PRORP: variants seen among roughly 807,000 people sequenced by gnomAD.
PRORP encodes protein only RNase P catalytic subunit, also known as mitochondrial ribonuclease P catalytic subunit.
Under a neutral mutation model 59.4 loss-of-function variants are expected in PRORP, and 51 were observed. The ratio of observed to expected loss-of-function variants is 0.86; its 90% CI spans 0.69 to 1.08. The LOEUF is 1.08. PRORP is among the 50% of genes least tolerant of loss of function. The probability of loss-of-function intolerance (pLI) is 0.00; values close to 1 mark genes in which losing one functional copy is unlikely to be tolerated. For synonymous variants in PRORP, 231 were observed against 245.6 expected (o/e 0.94, Z 0.55); for missense variants, 646 against 690.3 (o/e 0.94, Z 0.72).
At chr14:35,206,536 C>T (rs1034152261) in intron 5 of PRORP, among the ~76,000 whole-genome samples, 6 of 152,184 alleles carry the variant, frequency 3.9e-5, no homozygotes, top group Non-Finnish European at 8.8e-5. Context: ...TTCCCACCAA[C>T]CAGACCCAGG....
intron 5 of PRORP, among the ~76,000 whole-genome samples, chr14:35,243,952 A>G (rs1034714596): frequency 2.0e-5 from 3 of 152,208 alleles, no homozygotes; most frequent in African/African-American, 7.2e-5. Flanking sequence ...TTTTAAATTT[A>G]TATACCTGAA....
rs753948369 is a variant in PRORP, at chr14:35,198,932, C to T, written c.1275+18155C>T. 2.6e-5 allele frequency among the ~76,000 whole-genome samples: 4 copies of T among 152,114 alleles called. No individual in the cohort carries two copies. The South Asian group carries it at 6.2e-4, about 24-fold the overall frequency. The stretch of plus-strand genomic sequence containing the variant: ...CTGTAATCCCAGCACTTTGGGAGGC[C>T]GAGGCAGGTGGATCACCTGATGTCA... On this transcript the variant is annotated intron_variant, in intron 5 of 7. Transcript: ENST00000534898.
chr14:35,186,555 C>T (rs1290048126), intron 5 of PRORP, among the ~76,000 whole-genome samples: 1 of 151,714 alleles, frequency 6.6e-6, no homozygotes, highest in Admixed American at 6.6e-5. Context: ...TCCCTGGCAA[C>T]CACTAGTCTT....
chr14:35,151,896 C>G (rs1355831562), intron 4 of PRORP, among the ~76,000 whole-genome samples: 1 of 148,210 alleles, frequency 6.7e-6, no homozygotes, highest in Non-Finnish European at 1.5e-5. Context: ...TATCAGTTAT[C>G]TCTAATTTTT....
chr14:35,153,392 G>A (rs60854116), intron 4 of PRORP, among the ~76,000 whole-genome samples: 23,563 of 120,414 alleles, frequency 0.2, 2,244 homozygotes, highest in East Asian at 0.35. Flanking sequence ...AAGAGAGGGA[G>A]AGGGAGACCG....
chr14:35,203,901 A>T (rs1044727959), intron 5 of PRORP, among the ~76,000 whole-genome samples: 2 of 152,224 alleles, frequency 1.3e-5, no homozygotes, highest in Admixed American at 1.3e-4. Flanking sequence ...CAATCATTTT[A>T]TTATTGCATT....
chr14:35,159,447 T>G (rs1461688947), intron 4 of PRORP, among the ~76,000 whole-genome samples: 1 of 152,202 alleles, frequency 6.6e-6, no homozygotes, highest in Non-Finnish European at 1.5e-5. Flanking sequence ...TCCTTTGAAC[T>G]TGTAGCATTT....
chr14:35,269,705 G>A (rs560129600), intron 6 of PRORP, among the ~76,000 whole-genome samples: 1 of 151,948 alleles, frequency 6.6e-6, no homozygotes, highest in Non-Finnish European at 1.5e-5. Context: ...AAATACTTCA[G>A]GATAAAGAAA....
At position 35,209,930 on chromosome 14, in the gene PRORP, T is replaced by G. The variant is rs373279070; in HGVS notation, c.1275+29153T>G. Among the ~76,000 whole-genome samples the G allele has an allele frequency of 1.6e-4, 25 of 152,320 alleles. No homozygotes were observed. In the East Asian group the frequency reaches 3.5e-3, roughly 21 times the overall value. On this transcript the variant is annotated intron_variant, in intron 5 of 7. Coordinates refer to ENST00000534898, the MANE Select transcript of PRORP (RefSeq NM_014672.4). The stretch of plus-strand genomic sequence containing the variant: ...ACTTGTCTTCTATCCTTCCTCTAGT[T>G]TCATACCCCACTAATATATCTTCTC...
At chr14:35,250,544 T>G (rs2138584693) in intron 5 of PRORP, among the ~76,000 whole-genome samples, 1 of 152,312 alleles carries the variant, frequency 6.6e-6, no homozygotes, top group Middle Eastern at 3.4e-3. Flanking sequence ...AGTGCCAGAC[T>G]AGCTGAATAG....
At chr14:35,175,711 G>A (rs980541749) in intron 4 of PRORP, among the ~76,000 whole-genome samples, 14 of 151,810 alleles carry the variant, frequency 9.2e-5, no homozygotes, top group Non-Finnish European at 1.8e-4. Context: ...TCTGATGGTA[G>A]GTTCTTTTGC....
chr14:35,203,813 T>C (rs1026830788), intron 5 of PRORP, among the ~76,000 whole-genome samples: 1 of 152,060 alleles, frequency 6.6e-6, no homozygotes, highest in Non-Finnish European at 1.5e-5. Flanking sequence ...TGCAGTGAGC[T>C]GAGATCACGC....
At chr14:35,154,358 T>G (rs890158977) in intron 4 of PRORP, among the ~76,000 whole-genome samples, 1 of 152,224 alleles carries the variant, frequency 6.6e-6, no homozygotes, top group African/African-American at 2.4e-5. Flanking sequence ...TCTCCTTTCC[T>G]TAATATCTAA....
In PRORP at chr14:35,127,944, T is replaced by C. The variant is rs969136445; in HGVS notation, c.1167+333T>C. Among the ~76,000 whole-genome samples, 3 of 152,216 alleles carry C rather than the reference T, an allele frequency of 2.0e-5. No homozygotes were observed. In the East Asian group the frequency reaches 5.8e-4, roughly 29 times the overall value. On this transcript the variant is annotated intron_variant, in intron 4 of 7. Transcript: ENST00000534898. ...TCTGTTGAAGTCAATCCTATTATAC[T>C]GGGGCATAATAAGTGCACTTAAACT...
intron 5 of PRORP, among the ~76,000 whole-genome samples, chr14:35,188,961 A>AAAAG (rs1555326789): frequency 2.3e-5 from 3 of 132,776 alleles, no homozygotes; most frequent in African/African-American, 8.6e-5. Context: ...AAAAAAAAAA[A>AAAAG]AAAGTATTGC....
intron 5 of PRORP, among the ~76,000 whole-genome samples, chr14:35,197,269 A>G: frequency 6.6e-6 from 1 of 152,128 alleles, no homozygotes; most frequent in East Asian, 1.9e-4. Context: ...GTGTTTTAAA[A>G]CACTCTCATT....
chr14:35,179,814 T>G (rs1028979055), intron 4 of PRORP, among the ~76,000 whole-genome samples: 1 of 152,186 alleles, frequency 6.6e-6, no homozygotes, highest in African/African-American at 2.4e-5. Context: ...GGTGCTCTGA[T>G]TTTTAGAATT....
At chr14:35,185,123 C>T (rs1357195547) in intron 5 of PRORP, among the ~76,000 whole-genome samples, 1 of 152,074 alleles carries the variant, frequency 6.6e-6, no homozygotes, top group African/African-American at 2.4e-5. Context: ...TGGTTAAACT[C>T]ATTTACACTC....
At chr14:35,250,736 GT>G (rs1594339120) in intron 5 of PRORP, among the ~76,000 whole-genome samples, 2 of 152,136 alleles carry the variant, frequency 1.3e-5, no homozygotes, top group East Asian at 3.9e-4. Flanking sequence ...GCCCCTACTT[GT>G]TTCCTAAAGT....
Sources: allele counts gnomAD v4.1 joint callset (sites outside exome capture counted in the v4.1 genomes callset), GRCh38; gene constraint gnomAD v4.1.1; transcripts MANE v1.5; gene names NCBI Gene and HGNC (gene_info 2026-07-23, HGNC 2026-07-21).